The following AGMO variants were observed in gnomAD, a reference collection of about 807,000 sequenced individuals.
AGMO encodes the protein alkylglycerol monooxygenase.
In AGMO, 75 loss-of-function variants were observed where a neutral mutation model predicts 60.2. The observed-to-expected ratio is 1.25, with a 90% CI of 1.03 to 1.51. The LOEUF (loss-of-function observed/expected upper bound fraction) is 1.51, where lower values mean the gene tolerates loss of function less well. Among genes scored for constraint, AGMO ranks in the 40% most tolerant of loss-of-function variants. AGMO has a pLI of 0.00. For missense variants in AGMO, 763 were observed against 525.5 expected (o/e 1.45, Z -4.42); for synonymous variants, 261 against 177.1 (o/e 1.47, Z -3.76).
intron 12 of AGMO, among the ~76,000 whole-genome samples, chr7:15,270,596 A>ATTTTTTTTTTTTTTTTTTTTTTTTTTTT (rs527463907): frequency 4.0e-4 from 19 of 48,068 alleles, no homozygotes; most frequent in African/African-American, 6.6e-4. Context: ...TCTGTTGATA[A>ATTTTTTTTTTTTTTTTTTTTTTTTTTTT]TTTTTTTTTT....
chr7:15,440,052 G>A (rs1051582636), intron 3 of AGMO, among the ~76,000 whole-genome samples: 2 of 152,198 alleles, frequency 1.3e-5, no homozygotes, highest in East Asian at 1.9e-4. Context: ...AAGAGAAAGC[G>A]AGAGGGGGTT....
chr7:15,518,082 G>A (rs1783870765), intron 3 of AGMO, among the ~76,000 whole-genome samples: 1 of 152,158 alleles, frequency 6.6e-6, no homozygotes, highest in Admixed American at 6.5e-5. Context: ...ACCGCAGCTT[G>A]GCAAAGCCAC....
intron 12 of AGMO, among the ~76,000 whole-genome samples, chr7:15,254,328 G>T (rs149933813): frequency 4.8e-4 from 73 of 152,076 alleles, no homozygotes; most frequent in African/African-American, 1.6e-3. Flanking sequence ...TTTCATAATG[G>T]CTGTGCTAAC....
chr7:15,227,508 TAA>T (rs72001085), intron 12 of AGMO, among the ~76,000 whole-genome samples: 104 of 139,988 alleles, frequency 7.4e-4, no homozygotes, highest in African/African-American at 1.4e-3. Context: ...GATGGCAGAT[TAA>T]AAAAAAAAAA....
intron 3 of AGMO, among the ~76,000 whole-genome samples, chr7:15,540,452 A>G (rs1310179378): frequency 6.6e-6 from 1 of 152,176 alleles, no homozygotes; most frequent in East Asian, 1.9e-4. Context: ...AGAAAAGAGC[A>G]CGCTGGAAAA....
rs1554398722 is a variant in AGMO, at chr7:15,232,789, C to CCACACACACGCACA, written c.1264-31431_1264-31430insTGTGCGTGTGTGTG. Among the ~76,000 whole-genome samples the CCACACACACGCACA allele has an allele frequency of 3.4e-5, 3 of 88,544 alleles. No homozygotes were observed. In the East Asian group the frequency reaches 1.0e-3, roughly 31 times the overall value. 58.1% of individuals were successfully genotyped at this position (88,544 alleles called of 152,430 possible). ...CAATATTTAACTTTAAACATGGAAA[C>CCACACACACGCACA]CACACACACACGCACACACACACAC... On this transcript the variant is annotated intron_variant, in intron 12 of 12. Transcript: ENST00000342526.
At chr7:15,543,324 T>C (rs962012283) in intron 3 of AGMO, among the ~76,000 whole-genome samples, 1 of 152,066 alleles carries the variant, frequency 6.6e-6, no homozygotes, top group Non-Finnish European at 1.5e-5. Context: ...CCTGCAGAGG[T>C]TCAGACCTAG....
chr7:15,264,497 T>C lies in AGMO; in HGVS notation c.1264-63138A>G, dbSNP rs566115562. On this transcript the variant is annotated intron_variant, in intron 12 of 12. Transcript: ENST00000342526. The stretch of plus-strand genomic sequence containing the variant: ...GCAATAAGGCAGATTTTCAAACAAA[T>C]AGAATAATATCAATTATTATTTCTA... 1.7e-4 allele frequency among the ~76,000 whole-genome samples: 26 copies of C among 152,142 alleles called. No homozygotes were observed. In the East Asian group the frequency reaches 4.2e-3, roughly 25 times the overall value.
chr7:15,201,003 C>A lies in AGMO; in HGVS notation c.*282G>T. ...TTTTTACTGTTTTTAAGTTTCATCC[C>A]TTCTTTTTATACTTGTCATATAAGG... On this transcript the variant is annotated 3_prime_UTR_variant, in exon 13 of 13. Transcript: ENST00000342526. 1 of 253,478 alleles carries A rather than the reference C, an allele frequency of 3.9e-6. No individual in the cohort carries two copies. Among genetic ancestry groups the A allele is most frequent in the Non-Finnish European group, 7.4e-6 (1 of 135,734 alleles). 15.7% of individuals were successfully genotyped at this position (253,478 alleles called of 1,614,324 possible).
chr7:15,322,028 A>G (rs2128539037), intron 12 of AGMO, among the ~76,000 whole-genome samples: 1 of 152,094 alleles, frequency 6.6e-6, no homozygotes, highest in Non-Finnish European at 1.5e-5. Context: ...GATGCCAGCT[A>G]AGAATGGTGG....
At chr7:15,134,889 A>G in the AGMO span, among the ~76,000 whole-genome samples, 13 of 152,256 alleles carry the variant, frequency 8.5e-5, no homozygotes, top group East Asian at 1.7e-3. Context: ...TAAATCTAAT[A>G]AAGTCAACAG....
At chr7:15,161,684 T>C in the AGMO span, among the ~76,000 whole-genome samples, 2 of 151,642 alleles carry the variant, frequency 1.3e-5, no homozygotes, top group Non-Finnish European at 2.9e-5. Flanking sequence ...GCTATATGTA[T>C]ATGTATATAT....
At chr7:15,349,801 A>C (rs1782169937) in intron 12 of AGMO, among the ~76,000 whole-genome samples, 1 of 151,992 alleles carries the variant, frequency 6.6e-6, no homozygotes, top group African/African-American at 2.4e-5. Flanking sequence ...AGTGGGGAAA[A>C]CCCCTTTTAA....
Position 15,497,614 on chromosome 7 carries a change from G to A in AGMO, c.409+47158C>T, listed in dbSNP as rs561364632. On this transcript the variant is annotated intron_variant, in intron 3 of 12. Transcript: ENST00000342526. Reference sequence around the variant, plus strand: ...TTTACTTTGACAATTACAACACAGTGTGTGTGCATGCACCTTTAGTCCTAT... The same window carrying A: ...TTTACTTTGACAATTACAACACAGTATGTGTGCATGCACCTTTAGTCCTAT... 3.9e-5 allele frequency among the ~76,000 whole-genome samples: 6 copies of A among 152,082 alleles called. No homozygotes were observed. In the South Asian group the frequency reaches 1.0e-3, roughly 26 times the overall value.
At chr7:15,338,977 A>G (rs1215112801) in intron 12 of AGMO, among the ~76,000 whole-genome samples, 3 of 152,180 alleles carry the variant, frequency 2.0e-5, no homozygotes, top group Admixed American at 6.5e-5. Flanking sequence ...ATACCTAGCT[A>G]AACAGTAGAA....
chr7:15,554,649 T>C (rs1420850211), intron 2 of AGMO, among the ~76,000 whole-genome samples: 3 of 152,112 alleles, frequency 2.0e-5, no homozygotes, highest in Non-Finnish European at 4.4e-5. Context: ...ACTAGAAATT[T>C]GTCAATGTTC....
intron 3 of AGMO, among the ~76,000 whole-genome samples, chr7:15,469,440 A>G (rs560177254): frequency 6.6e-6 from 1 of 152,290 alleles, no homozygotes; most frequent in Admixed American, 6.6e-5. Flanking sequence ...TATGTACTGT[A>G]CCATTGATTA....
At chr7:15,502,516 G>T (rs2128525837) in intron 3 of AGMO, among the ~76,000 whole-genome samples, 1 of 152,078 alleles carries the variant, frequency 6.6e-6, no homozygotes, top group East Asian at 1.9e-4. Flanking sequence ...ATGGTTTTGA[G>T]GGTCTGGCTA....
At chr7:15,399,411 G>C (rs1176918938) in intron 5 of AGMO, among the ~76,000 whole-genome samples, 1 of 152,108 alleles carries the variant, frequency 6.6e-6, no homozygotes, top group Non-Finnish European at 1.5e-5. Context: ...GTTATATTGT[G>C]TTGTCAGTTT....
Sources: gnomAD v4.1 joint callset for allele counts (sites outside exome capture counted in the v4.1 genomes callset) on GRCh38, gnomAD v4.1.1 for gene constraint, MANE v1.5 for transcripts, NCBI Gene and HGNC (gene_info 2026-07-23, HGNC 2026-07-21) for gene names.